Variants in KLHL13 observed in about 807,000 individuals in gnomAD.
KLHL13 encodes kelch-like protein 13.
In KLHL13, 10 loss-of-function variants were observed where a neutral mutation model predicts 37.1. The ratio of observed to expected loss-of-function variants is 0.27; its 90% CI spans 0.17 to 0.46. KLHL13 has a LOEUF of 0.46. Ranked by LOEUF, KLHL13 falls within the 20% of genes least tolerant of loss-of-function variation. The probability of loss-of-function intolerance (pLI) is 1.00; values close to 1 mark genes in which losing one functional copy is unlikely to be tolerated. For missense variants in KLHL13, 360 were observed against 509.3 expected (o/e 0.71, Z 2.82); for synonymous variants, 163 against 181.2 (o/e 0.90, Z 0.81).
intron 5 of KLHL13, among the ~76,000 whole-genome samples, chrX:117,908,206 GTCTT>G (rs1008608295): frequency 9.3e-6 from 1 of 107,062 alleles, no homozygotes; most frequent in Non-Finnish European, 1.9e-5. Context: ...CTTCCTTTCT[GTCTT>G]TCTGTCTTTT....
At chrX:117,950,876 A>G (rs913075675) in intron 1 of KLHL13, among the ~76,000 whole-genome samples, 4 of 112,590 alleles carry the variant, frequency 3.6e-5, no homozygotes, top group African/African-American at 6.5e-5. Flanking sequence ...ATAAAGTTGC[A>G]TGGCAGGTGG....
At chrX:118,078,012 GCT>G (rs2054945687) in intron 1 of KLHL13, among the ~76,000 whole-genome samples, 2 of 112,133 alleles carry the variant, frequency 1.8e-5, no homozygotes, top group Admixed American at 1.9e-4. Flanking sequence ...TTTGAGCAAA[GCT>G]CTTACTCTTT....
At chrX:117,918,134 C>A (rs1047948338) in intron 4 of KLHL13, among the ~76,000 whole-genome samples, 2 of 111,376 alleles carry the variant, frequency 1.8e-5, no homozygotes, top group African/African-American at 6.5e-5. Context: ...GGGCTACTTT[C>A]GCAATAAAGA....
chrX:117,965,274 G>A (rs145454073), intron 1 of KLHL13, among the ~76,000 whole-genome samples: 143 of 111,501 alleles, frequency 1.3e-3, no homozygotes, highest in African/African-American at 4.6e-3. Context: ...TTTAATGATC[G>A]CCATTCTAAG....
chrX:118,032,437 A>G (rs927956512), intron 1 of KLHL13, among the ~76,000 whole-genome samples: 7 of 111,244 alleles, frequency 6.3e-5, no homozygotes, highest in Non-Finnish European at 1.1e-4. Flanking sequence ...CTGACCCCTG[A>G]CCCCCAAGCA....
At chrX:117,974,982 G>A (rs1337834349), upstream of KLHL13, among the ~76,000 whole-genome samples, 1 of 111,258 alleles carries the variant, frequency 9.0e-6, no homozygotes, top group Non-Finnish European at 1.9e-5. Context: ...TCAGAGAAAG[G>A]AATATTTATC....
chrX:118,062,057 C>A (rs1341236442), intron 1 of KLHL13, among the ~76,000 whole-genome samples: 2 of 110,917 alleles, frequency 1.8e-5, no homozygotes, highest in Non-Finnish European at 3.8e-5. Context: ...CTCTCTATTT[C>A]TCATCACCTA....
At position 118,080,771 on chromosome X, in the gene KLHL13, A is replaced by G. The variant is rs144528392; in HGVS notation, c.-56+35737T>C. Reference sequence around the variant, plus strand: ...AATCCCATTACTGGGTACATACCCAAAGGAAATTAGATCATTATGCCAAAA... The same window carrying G: ...AATCCCATTACTGGGTACATACCCAGAGGAAATTAGATCATTATGCCAAAA... On this transcript the variant is annotated intron_variant, in intron 1 of 6. Coordinates refer to the KLHL13 transcript ENST00000371882. Among the ~76,000 whole-genome samples the G allele has an allele frequency of 7.9e-3, 884 of 112,117 alleles. 12 individuals carry two copies. Among genetic ancestry groups the G allele is most frequent in the African/African-American group, 0.026 (810 of 30,879 alleles).
intron 1 of KLHL13, among the ~76,000 whole-genome samples, chrX:118,045,721 T>C (rs1225762978): frequency 9.1e-6 from 1 of 110,435 alleles, no homozygotes; most frequent in East Asian, 2.9e-4. Context: ...ACAAGAGAAT[T>C]GCTTGAACCC....
At chrX:117,985,021 C>A (rs2053707680) in intron 1 of KLHL13, among the ~76,000 whole-genome samples, 1 of 110,616 alleles carries the variant, frequency 9.0e-6, no homozygotes, top group Admixed American at 9.7e-5. Flanking sequence ...ATAACACAGT[C>A]TGAAGTAAAA....
chrX:118,089,758 A>G (rs1028419002), intron 1 of KLHL13, among the ~76,000 whole-genome samples: 1 of 111,022 alleles, frequency 9.0e-6, no homozygotes, highest in Admixed American at 9.6e-5. Context: ...CCATACCAAG[A>G]ACCAGGAAGA....
At chrX:118,057,262 C>T (rs1361753645) in intron 1 of KLHL13, among the ~76,000 whole-genome samples, 5 of 112,073 alleles carry the variant, frequency 4.5e-5, no homozygotes, top group African/African-American at 9.7e-5. Context: ...GTCTCTTCAA[C>T]ATATGGTGCT....
chrX:118,013,230 T>C (rs917003169), intron 1 of KLHL13, among the ~76,000 whole-genome samples: 2 of 111,541 alleles, frequency 1.8e-5, no homozygotes. Context: ...GAGAATTAAA[T>C]TGGGATGGTG....
At position 117,998,755 on chromosome X, in the gene KLHL13, C is replaced by G. The variant is rs778708930; in HGVS notation, c.-55-53180G>C. On this transcript the variant is annotated intron_variant, in intron 1 of 6. Coordinates refer to the KLHL13 transcript ENST00000371882. The stretch of plus-strand genomic sequence containing the variant: ...GCTATAAAACTGTCTCTGGGGGCAC[C>G]ATGAGAAGCTACTGACCACTGGGTA... Among the ~76,000 whole-genome samples the G allele has an allele frequency of 2.7e-5, 3 of 110,622 alleles. No homozygotes were observed. In the South Asian group the frequency reaches 1.2e-3, roughly 43 times the overall value.
rs535500657 is a variant in KLHL13, at chrX:118,090,003, C to A, written c.-56+26505G>T. ...GGCTGAGGCAGAAGAATCGCTTGAA[C>A]CGGGGAGGCAGAGGTTGCAGTGAGC... On this transcript the variant is annotated intron_variant, in intron 1 of 6. Coordinates refer to the KLHL13 transcript ENST00000371882. Among the ~76,000 whole-genome samples the A allele has an allele frequency of 2.8e-5, 3 of 105,711 alleles. No individual in the cohort carries two copies. In the South Asian group the frequency reaches 1.4e-3, roughly 48 times the overall value. The allele number at this position is 105,711 out of a possible 115,157, so 91.8% of individuals were successfully genotyped here.
intron 1 of KLHL13, among the ~76,000 whole-genome samples, chrX:118,055,798 T>G (rs1278416905): frequency 9.0e-6 from 1 of 111,449 alleles, no homozygotes; most frequent in Admixed American, 9.6e-5. Flanking sequence ...TTTTTAAAAG[T>G]CTACAACACT....
chrX:117,911,768 A>G (rs1931005695), intron 4 of KLHL13, among the ~76,000 whole-genome samples: 1 of 112,151 alleles, frequency 8.9e-6, no homozygotes, highest in Admixed American at 9.5e-5. Context: ...CATGGTGTAC[A>G]TGTGCCACAT....
At chrX:117,919,397 C>T in intron 4 of KLHL13, 124 bp downstream of exon 5, 4 of 549,311 alleles carry the variant, frequency 7.3e-6, no homozygotes, top group Non-Finnish European at 1.3e-5. Context: ...GCTTACAGAC[C>T]ACATACAACA....
At chrX:118,049,278 A>G (rs2054590573) in intron 1 of KLHL13, among the ~76,000 whole-genome samples, 1 of 112,129 alleles carries the variant, frequency 8.9e-6, no homozygotes, top group Admixed American at 9.5e-5. Context: ...AGGATTAGTG[A>G]AAAATGCTAA....
Sources: gnomAD v4.1 joint callset for allele counts (sites outside exome capture counted in the v4.1 genomes callset) on GRCh38, gnomAD v4.1.1 for gene constraint, MANE v1.5 for transcripts, NCBI Gene and HGNC (gene_info 2026-07-23, HGNC 2026-07-21) for gene names.